NSMCE2: variants seen among roughly 807,000 people sequenced by gnomAD.
NSMCE2 encodes the protein E3 SUMO-protein ligase NSE2.
In NSMCE2, 24 loss-of-function variants were observed where a neutral mutation model predicts 23.8. The ratio of observed to expected loss-of-function variants is 1.01; its 90% CI spans 0.73 to 1.42. The LOEUF is 1.42. Ranked by LOEUF, NSMCE2 falls within the 40% of genes most tolerant of loss-of-function variation. The probability of loss-of-function intolerance (pLI) is 0.00; values close to 1 mark genes in which losing one functional copy is unlikely to be tolerated. For missense variants in NSMCE2, 284 were observed against 296.5 expected (o/e 0.96, Z 0.31); for synonymous variants, 92 against 94.1 (o/e 0.98, Z 0.13).
intron 5 of NSMCE2, among the ~76,000 whole-genome samples, chr8:125,337,884 C>CAAAAAA (rs35658538): frequency 3.0e-4 from 29 of 97,326 alleles, no homozygotes; most frequent in East Asian, 6.3e-4. Context: ...AACTCTATCT[C>CAAAAAA]AAAAAAAAAA....
chr8:125,360,032 G>A (rs1035668253), intron 7 of NSMCE2, among the ~76,000 whole-genome samples: 2 of 152,222 alleles, frequency 1.3e-5, no homozygotes, highest in African/African-American at 4.8e-5. Flanking sequence ...TGGAGGTACA[G>A]TTAACGACAT....
chr8:125,215,245 T>C (rs1824527069), intron 5 of NSMCE2, among the ~76,000 whole-genome samples: 2 of 137,864 alleles, frequency 1.5e-5, no homozygotes, highest in Non-Finnish European at 1.5e-5. Flanking sequence ...CCTGTGTCCA[T>C]GTGTTCTCAT....
At chr8:125,233,318 G>A (rs933517086) in intron 5 of NSMCE2, among the ~76,000 whole-genome samples, 4 of 152,050 alleles carry the variant, frequency 2.6e-5, no homozygotes, top group East Asian at 3.9e-4. Flanking sequence ...AACCATTTTT[G>A]TGATTAATTT....
chr8:125,169,439 A>G (rs529646480), intron 4 of NSMCE2, among the ~76,000 whole-genome samples: 1 of 152,344 alleles, frequency 6.6e-6, no homozygotes, highest in East Asian at 1.9e-4. Context: ...AGTGTCCCAC[A>G]GTGACGTTTT....
At chr8:125,128,542 GT>G (rs1245959851) in intron 3 of NSMCE2, among the ~76,000 whole-genome samples, 1 of 152,206 alleles carries the variant, frequency 6.6e-6, no homozygotes, top group Non-Finnish European at 1.5e-5. Context: ...ATGCTTTGCT[GT>G]TGCTGCTGGA....
In NSMCE2 at chr8:125,102,032, A is replaced by G. The variant is rs536042610; in HGVS notation, c.-110-19A>G. ...CTTGTAGGCTTTTAAGAACTGTGCT[A>G]TTGTTGACTTCTTCACAGAATCAAG... On this transcript the variant is annotated intron_variant, in intron 1 of 7. Transcript: ENST00000287437. The G allele has an allele frequency of 2.5e-4, 62 of 248,600 alleles. No individual in the cohort carries two copies. Among genetic ancestry groups the G allele is most frequent in the Middle Eastern group, 1.4e-3 (1 of 740 alleles). The allele number at this position is 248,600 out of a possible 1,614,324, so 15.4% of individuals were successfully genotyped here. A position where few individuals can be genotyped will look rare whatever the true frequency, so the allele number is the denominator to read the frequency against.
rs940367171 is a variant in NSMCE2 at position 125,164,433 on chromosome 8, T to C, written c.264+13156T>C. On this transcript the variant is annotated intron_variant, in intron 4 of 7. Coordinates refer to ENST00000287437, the MANE Select transcript of NSMCE2 (RefSeq NM_173685.4). ...TTTCAGTTGAGAGTAAGAATGTTTT[T>C]AGGGAGTCTTGGTTATAAAGTATAT... is the stretch of plus-strand genomic sequence containing the variant. Among the ~76,000 whole-genome samples, 3 of 152,358 alleles carry C rather than the reference T, an allele frequency of 2.0e-5. No homozygotes were observed. The South Asian group carries it at 6.2e-4, about 32-fold the overall frequency.
Position 125,357,270 on chromosome 8 carries a change from A to T in NSMCE2, c.470A>T (p.Asp157Val). Residue 157 changes from aspartate (D) to valine (V), a missense_variant, in exon 6 of 8, where the codon GAT (aspartate) becomes GTT (valine). Coordinates refer to ENST00000287437, the MANE Select transcript of NSMCE2 (RefSeq NM_173685.4). ...GACGGAACAGAAGGAGTGGATGAAG[A>T]TATAATTGTGACCCAAAGTCAGACC... ...EADGTEGVDE[D>V]IIVTQSQTNF... The T allele has an allele frequency of 6.2e-7, 1 of 1,613,906 alleles. No homozygotes were observed. Among genetic ancestry groups the T allele is most frequent in the South Asian group, 1.1e-5 (1 of 91,082 alleles).
In NSMCE2 at chr8:125,334,028, AG is replaced by A. The variant is rs1265398247; in HGVS notation, c.419-23189del. Among the ~76,000 whole-genome samples the A allele has an allele frequency of 3.9e-5, 6 of 152,088 alleles. No homozygotes were observed. In the East Asian group the frequency reaches 1.2e-3, roughly 29 times the overall value. On this transcript the variant is annotated intron_variant, in intron 5 of 7. Coordinates refer to ENST00000287437, the MANE Select transcript of NSMCE2 (RefSeq NM_173685.4). ...ATGCTCCTGGGTCTGCCGTGGACTC[AG>A]GATAAACAGACAAAGTTGTCTGTGT...
At chr8:125,142,050 G>T (rs1301859510) in intron 3 of NSMCE2, among the ~76,000 whole-genome samples, 2 of 152,120 alleles carry the variant, frequency 1.3e-5, no homozygotes, top group Non-Finnish European at 2.9e-5. Flanking sequence ...AGAGAGCTAG[G>T]AAGATGATTT....
intron 5 of NSMCE2, among the ~76,000 whole-genome samples, chr8:125,200,935 T>G (rs1823843499): frequency 6.6e-6 from 1 of 152,228 alleles, no homozygotes; most frequent in Non-Finnish European, 1.5e-5. Context: ...CAATCACTGA[T>G]ATCATTTCTT....
chr8:125,363,664 G>C (rs1813663218), intron 7 of NSMCE2, among the ~76,000 whole-genome samples: 1 of 134,104 alleles, frequency 7.5e-6, no homozygotes, highest in Non-Finnish European at 1.6e-5. Context: ...GAGAAGAGAG[G>C]AGGGCGGGGA....
intron 5 of NSMCE2, among the ~76,000 whole-genome samples, chr8:125,188,341 T>G (rs1823197832): frequency 6.6e-6 from 1 of 152,196 alleles, no homozygotes; most frequent in Non-Finnish European, 1.5e-5. Flanking sequence ...GCATGAGGCC[T>G]AGGTACAGTG....
At chr8:125,330,242 T>C (rs949771187) in intron 5 of NSMCE2, among the ~76,000 whole-genome samples, 1 of 147,226 alleles carries the variant, frequency 6.8e-6, no homozygotes, top group African/African-American at 2.5e-5. Flanking sequence ...GATGGGACGA[T>C]CTAGGTTCAC....
intron 1 of NSMCE2, among the ~76,000 whole-genome samples, chr8:125,099,891 A>G (rs1818102986): frequency 6.6e-6 from 1 of 152,084 alleles, no homozygotes; most frequent in Non-Finnish European, 1.5e-5. Flanking sequence ...GGGAGAAGTA[A>G]TGGTGTATTT....
chr8:125,201,914 G>A (rs1237936067), intron 5 of NSMCE2, among the ~76,000 whole-genome samples: 5 of 149,698 alleles, frequency 3.3e-5, no homozygotes, highest in South Asian at 4.5e-4. Context: ...ACACCCCACC[G>A]TCCCCCACCC....
chr8:125,217,532 G>GA (rs1554621449), intron 5 of NSMCE2, among the ~76,000 whole-genome samples: 1 of 151,644 alleles, frequency 6.6e-6, no homozygotes, highest in Non-Finnish European at 1.5e-5. Context: ...GGCTAATTTT[G>GA]TTTTTTTGTA....
At chr8:125,167,099 G>A (rs2130749803) in intron 4 of NSMCE2, among the ~76,000 whole-genome samples, 1 of 152,262 alleles carries the variant, frequency 6.6e-6, no homozygotes, top group East Asian at 1.9e-4. Flanking sequence ...CTGGAGCAAG[G>A]CAGACTTCTT....
intron 5 of NSMCE2, among the ~76,000 whole-genome samples, chr8:125,207,238 G>A (rs1412640685): frequency 1.3e-5 from 2 of 151,302 alleles, no homozygotes; most frequent in African/African-American, 2.4e-5. Context: ...CCAGAAATTG[G>A]TATTTAAAGC....
Sources: allele counts gnomAD v4.1 joint callset (sites outside exome capture counted in the v4.1 genomes callset), GRCh38; gene constraint gnomAD v4.1.1; transcripts MANE v1.5; gene names NCBI Gene and HGNC (gene_info 2026-07-23, HGNC 2026-07-21).